The following OR2L13 variants were observed in gnomAD, a reference collection of about 807,000 sequenced individuals.
OR2L13 encodes olfactory receptor family 2 subfamily L member 13.
In OR2L13, 14 loss-of-function variants were observed where a neutral mutation model predicts 15.3. The ratio of observed to expected loss-of-function variants is 0.91; its 90% CI spans 0.60 to 1.43. The LOEUF is 1.43. OR2L13 is among the 40% of genes most tolerant of loss of function. OR2L13 has a pLI of 0.00. For missense variants in OR2L13, 367 were observed against 387.9 expected, an observed-to-expected ratio of 0.95 and a Z score of 0.45; for synonymous variants, 152 against 142.9, an observed-to-expected ratio of 1.06 and a Z score of -0.45.
the OR2L13 span, chr1:248,038,870 C>T: frequency 6.8e-6 from 11 of 1,614,064 alleles, no homozygotes; most frequent in Non-Finnish European, 9.3e-6. Context: ...TGTTTTTGAG[C>T]AGCACCATCT....
the OR2L13 span, among the ~76,000 whole-genome samples, chr1:248,020,264 T>C: frequency 1.3e-5 from 2 of 152,256 alleles, no homozygotes; most frequent in South Asian, 2.1e-4. Flanking sequence ...AGCATCCAAA[T>C]TGGTAATGAG....
the OR2L13 span, among the ~76,000 whole-genome samples, chr1:248,014,379 A>G: frequency 1.3e-5 from 2 of 152,146 alleles, no homozygotes; most frequent in Non-Finnish European, 2.9e-5. Context: ...AGGAAACCAT[A>G]TGATTAGTAG....
chr1:247,954,520 T>C, the OR2L13 span, among the ~76,000 whole-genome samples: 1 of 152,302 alleles, frequency 6.6e-6, no homozygotes, highest in Non-Finnish European at 1.5e-5. Context: ...TCACTGCCCT[T>C]ACTTTTCATA....
At chr1:247,991,184 A>G in the OR2L13 span, 2 of 1,598,396 alleles carry the variant, frequency 1.3e-6, no homozygotes, top group Non-Finnish European at 1.7e-6. Context: ...GTGATTCAGA[A>G]AATCTTTTCA....
chr1:248,003,879 A>G, the OR2L13 span: 5 of 1,612,192 alleles, frequency 3.1e-6, no homozygotes, highest in Middle Eastern at 1.6e-4. Flanking sequence ...GTAACTTTCT[A>G]CTATACACCT....
chr1:247,960,937 C>T, the OR2L13 span, among the ~76,000 whole-genome samples: 1 of 152,116 alleles, frequency 6.6e-6, no homozygotes, highest in Non-Finnish European at 1.5e-5. Context: ...GTGTGCTGCA[C>T]CCAGTGTCCT....
At chr1:248,014,409 ATTTTG>A in the OR2L13 span, among the ~76,000 whole-genome samples, 1 of 152,112 alleles carries the variant, frequency 6.6e-6, no homozygotes, top group African/African-American at 2.4e-5. Context: ...GGGTATCCAA[ATTTTG>A]TTTTTACACC....
chr1:248,096,652 T>C (rs1664748528), upstream of OR2L13, among the ~76,000 whole-genome samples: 1 of 152,182 alleles, frequency 6.6e-6, no homozygotes, highest in African/African-American at 2.4e-5. Flanking sequence ...GCTGAGTCTA[T>C]GACTATTTGC....
chr1:248,024,403 ACTTAT>A, the OR2L13 span: 20 of 152,210 alleles, frequency 1.3e-4, no homozygotes, highest in Non-Finnish European at 2.8e-4. Context: ...ACAACATTGA[ACTTAT>A]CTTTTCATTG....
chr1:247,983,349 G>A, the OR2L13 span, among the ~76,000 whole-genome samples: 2 of 152,030 alleles, frequency 1.3e-5, no homozygotes, highest in African/African-American at 4.8e-5. Context: ...TGAATGTTTG[G>A]TTTTCCTACT....
At chr1:247,998,251 G>A in the OR2L13 span, among the ~76,000 whole-genome samples, 1 of 152,112 alleles carries the variant, frequency 6.6e-6, no homozygotes, top group South Asian at 2.1e-4. Flanking sequence ...TGAAATACAG[G>A]CAACAAAAAG....
chr1:247,956,364 A>T, the OR2L13 span, among the ~76,000 whole-genome samples: 733 of 151,434 alleles, frequency 4.8e-3, 2 homozygotes, highest in Admixed American at 7.1e-3. Flanking sequence ...GTATAGTTTG[A>T]AGTCAGGTAG....
At chr1:248,076,998 T>A in the OR2L13 span, among the ~76,000 whole-genome samples, 1 of 152,210 alleles carries the variant, frequency 6.6e-6, no homozygotes, top group Non-Finnish European at 1.5e-5. Context: ...TTGCTCTGAT[T>A]ATTTTGAGAT....
At chr1:247,957,189 C>T in the OR2L13 span, among the ~76,000 whole-genome samples, 4 of 152,150 alleles carry the variant, frequency 2.6e-5, no homozygotes, top group Admixed American at 2.6e-4. Context: ...TTTTCTGCAT[C>T]TATTGAGATA....
chr1:247,949,498 C>T, the OR2L13 span: 53 of 1,613,550 alleles, frequency 3.3e-5, no homozygotes, highest in Non-Finnish European at 4.4e-5. Flanking sequence ...ATTGGTATTT[C>T]ATGTTCCTAT....
the OR2L13 span, among the ~76,000 whole-genome samples, chr1:248,069,036 T>C: frequency 6.6e-5 from 10 of 152,184 alleles, no homozygotes; most frequent in African/African-American, 2.4e-4. Context: ...TGGAACCAAG[T>C]TGCAAAACAC....
At chr1:248,082,157 C>A in the OR2L13 span, among the ~76,000 whole-genome samples, 3 of 144,874 alleles carry the variant, frequency 2.1e-5, no homozygotes, top group East Asian at 2.0e-4. Context: ...GAATACTATG[C>A]AGCCATAAAA....
the OR2L13 span, chr1:248,003,255 T>C: frequency 1.9e-6 from 3 of 1,570,734 alleles, no homozygotes; most frequent in Non-Finnish European, 8.8e-7. Context: ...ATTGGAAACC[T>C]ATCCATGATT....
At chr1:248,089,981 T>A in the OR2L13 span, among the ~76,000 whole-genome samples, 1 of 152,210 alleles carries the variant, frequency 6.6e-6, no homozygotes, top group Non-Finnish European at 1.5e-5. Flanking sequence ...GTTAAACCCA[T>A]GTATAACCTC....
Sources: allele counts gnomAD v4.1 joint callset (sites outside exome capture counted in the v4.1 genomes callset), GRCh38; gene constraint gnomAD v4.1.1; transcripts MANE v1.5; gene names NCBI Gene and HGNC (gene_info 2026-07-23, HGNC 2026-07-21).